The following KHDRBS2 variants were observed in gnomAD, a reference collection of about 807,000 sequenced individuals.
KHDRBS2 encodes KH domain-containing, RNA-binding, signal transduction-associated protein 2.
In KHDRBS2, 26 loss-of-function variants were observed where a neutral mutation model predicts 44.3. That is an observed-to-expected ratio of 0.59 (90% confidence interval 0.43 to 0.81). KHDRBS2 has a LOEUF of 0.81. Ranked by LOEUF, KHDRBS2 falls within the 40% of genes least tolerant of loss-of-function variation. The pLI, the probability that KHDRBS2 is intolerant of heterozygous loss-of-function variation, is 0.00. For missense variants in KHDRBS2, 476 were observed against 433.1 expected (o/e 1.10, Z -0.88); for synonymous variants, 194 against 151.1 (o/e 1.28, Z -2.08).
chr6:61,699,263 A>G (rs1482428296), intron 7 of KHDRBS2, among the ~76,000 whole-genome samples: 1 of 152,056 alleles, frequency 6.6e-6, no homozygotes, highest in African/African-American at 2.4e-5. Flanking sequence ...TTAAAAAAAT[A>G]ACATGCAAAA....
intron 1 of KHDRBS2, among the ~76,000 whole-genome samples, chr6:62,188,523 G>C (rs779338173): frequency 3.3e-5 from 5 of 152,146 alleles, no homozygotes; most frequent in Non-Finnish European, 7.3e-5. Flanking sequence ...GGTGAGAAGT[G>C]AGTGATGTTT....
At chr6:62,007,854 A>G (rs1404395970) in intron 3 of KHDRBS2, among the ~76,000 whole-genome samples, 1 of 152,220 alleles carries the variant, frequency 6.6e-6, no homozygotes, top group African/African-American at 2.4e-5. Flanking sequence ...TTGATGCTGT[A>G]GAAACAATAA....
At chr6:62,067,502 C>A (rs1266749772) in intron 2 of KHDRBS2, among the ~76,000 whole-genome samples, 1 of 151,434 alleles carries the variant, frequency 6.6e-6, no homozygotes, top group Non-Finnish European at 1.5e-5. Context: ...TGTACCTCTA[C>A]AGATGATTTT....
At chr6:62,235,086 T>A (rs1585336706) in intron 1 of KHDRBS2, among the ~76,000 whole-genome samples, 1 of 151,042 alleles carries the variant, frequency 6.6e-6, no homozygotes, top group African/African-American at 2.4e-5. Flanking sequence ...TTTTTTTTTT[T>A]TTTTGAGCCA....
chr6:62,259,408 G>C (rs1837962137), intron 1 of KHDRBS2, among the ~76,000 whole-genome samples: 1 of 151,330 alleles, frequency 6.6e-6, no homozygotes, highest in Admixed American at 6.6e-5. Context: ...CAACTGACTG[G>C]GAATTCAGTT....
At chr6:61,597,328 T>C in the KHDRBS2 span, among the ~76,000 whole-genome samples, 90 of 152,236 alleles carry the variant, frequency 5.9e-4, 1 homozygote, top group Non-Finnish European at 1.8e-4. Context: ...ATTTAGATTC[T>C]GTGTCTTAAT....
At chr6:61,669,104 T>C in the KHDRBS2 span, among the ~76,000 whole-genome samples, 4 of 150,974 alleles carry the variant, frequency 2.6e-5, no homozygotes, top group African/African-American at 9.7e-5. Flanking sequence ...AATAGGCAAA[T>C]ATAGACAGGC....
At chr6:62,182,173 T>C (rs188434744) in intron 1 of KHDRBS2, among the ~76,000 whole-genome samples, 1 of 152,110 alleles carries the variant, frequency 6.6e-6, no homozygotes, top group East Asian at 1.9e-4. Flanking sequence ...ATGTTTATTG[T>C]TTGTAAGGCA....
At chr6:62,167,549 AT>A (rs530812279) in intron 2 of KHDRBS2, among the ~76,000 whole-genome samples, 2 of 152,000 alleles carry the variant, frequency 1.3e-5, no homozygotes, top group East Asian at 3.9e-4. Flanking sequence ...AGCAATTTGA[AT>A]TTTTTTTCCT....
At chr6:62,126,253 C>T (rs1439044411) in intron 2 of KHDRBS2, among the ~76,000 whole-genome samples, 1 of 152,154 alleles carries the variant, frequency 6.6e-6, no homozygotes, top group East Asian at 1.9e-4. Context: ...GGAGAGATTC[C>T]ATTTCTTATA....
At chr6:61,701,471 C>T (rs1161046013) in intron 7 of KHDRBS2, among the ~76,000 whole-genome samples, 2 of 151,874 alleles carry the variant, frequency 1.3e-5, no homozygotes, top group Non-Finnish European at 2.9e-5. Flanking sequence ...CCATATATGA[C>T]CCCTAGAACA....
chr6:61,546,789 G>A, the KHDRBS2 span, among the ~76,000 whole-genome samples: 2 of 152,012 alleles, frequency 1.3e-5, no homozygotes, highest in Admixed American at 1.3e-4. Context: ...CACAAATAGG[G>A]TAGTGTCACT....
intron 6 of KHDRBS2, among the ~76,000 whole-genome samples, chr6:61,882,862 C>T (rs1205339486): frequency 1.3e-5 from 2 of 151,938 alleles, no homozygotes; most frequent in African/African-American, 4.8e-5. Flanking sequence ...ACTAAGCAGG[C>T]AATTTGTATT....
the KHDRBS2 span, among the ~76,000 whole-genome samples, chr6:61,580,868 T>C: frequency 6.6e-6 from 1 of 152,180 alleles, no homozygotes; most frequent in Non-Finnish European, 1.5e-5. Context: ...CATGGCTTCC[T>C]TCTTGAAGTC....
chr6:61,878,605 TC>T (rs1393278269), intron 6 of KHDRBS2, among the ~76,000 whole-genome samples: 1 of 152,032 alleles, frequency 6.6e-6, no homozygotes, highest in Non-Finnish European at 1.5e-5. Context: ...TTATTCAATT[TC>T]TCTGGACGTA....
chr6:61,891,663 C>G (rs746755198), intron 6 of KHDRBS2, among the ~76,000 whole-genome samples: 4 of 152,118 alleles, frequency 2.6e-5, no homozygotes, highest in Non-Finnish European at 4.4e-5. Context: ...ATGATTATCT[C>G]AATAGTTGCA....
At chr6:61,909,510 T>C (rs1384694495) in intron 4 of KHDRBS2, among the ~76,000 whole-genome samples, 2 of 152,232 alleles carry the variant, frequency 1.3e-5, no homozygotes, top group Non-Finnish European at 1.5e-5. Context: ...TAATTTTACA[T>C]GTTCCTTTTG....
chr6:61,917,851 A>C (rs1807305006), intron 4 of KHDRBS2, among the ~76,000 whole-genome samples: 1 of 152,016 alleles, frequency 6.6e-6, no homozygotes, highest in South Asian at 2.1e-4. Flanking sequence ...TTTCAATAGC[A>C]TAATGTTATG....
intron 6 of KHDRBS2, among the ~76,000 whole-genome samples, chr6:61,754,386 G>A (rs191493123): frequency 6.6e-6 from 1 of 152,146 alleles, no homozygotes. Context: ...TAGACTTAAC[G>A]CTCAATAAGT....
Sources: gnomAD v4.1 joint callset for allele counts (sites outside exome capture counted in the v4.1 genomes callset) on GRCh38, gnomAD v4.1.1 for gene constraint, MANE v1.5 for transcripts, NCBI Gene and HGNC (gene_info 2026-07-23, HGNC 2026-07-21) for gene names.